The following PTPRN2 variants were observed in gnomAD, a reference collection of about 807,000 sequenced individuals.
PTPRN2 encodes protein tyrosine phosphatase receptor type N2.
In PTPRN2, 74 loss-of-function variants were observed where a neutral mutation model predicts 118.8. That is an observed-to-expected ratio of 0.62 (90% CI 0.52 to 0.76). The LOEUF is 0.76. PTPRN2 is among the 30% of genes least tolerant of loss of function. PTPRN2 has a pLI of 0.00. For synonymous variants in PTPRN2, 641 were observed against 608.0 expected (o/e 1.05, Z -0.80); for missense variants, 1,481 against 1,394.4 (o/e 1.06, Z -0.99).
At chr7:157,887,106 C>T (rs954849013) in intron 12 of PTPRN2, among the ~76,000 whole-genome samples, 15 of 150,922 alleles carry the variant, frequency 9.9e-5, no homozygotes, top group African/African-American at 7.3e-5. Context: ...GAGGTCCTCA[C>T]CACAGAGCCA....
chr7:158,358,501 G>A (rs1445794461), intron 2 of PTPRN2, among the ~76,000 whole-genome samples: 1 of 152,214 alleles, frequency 6.6e-6, no homozygotes, highest in African/African-American at 2.4e-5. Flanking sequence ...ATACGTGTAT[G>A]TACCCCCACG....
At chr7:157,735,666 A>T (rs1314977319) in intron 12 of PTPRN2, among the ~76,000 whole-genome samples, 1 of 152,246 alleles carries the variant, frequency 6.6e-6, no homozygotes, top group South Asian at 2.1e-4. Flanking sequence ...TAAATGACAG[A>T]ACATGACTCG....
chr7:158,201,073 A>G (rs1826610765), intron 4 of PTPRN2, among the ~76,000 whole-genome samples: 3 of 148,096 alleles, frequency 2.0e-5, no homozygotes, highest in African/African-American at 7.6e-5. Context: ...TTTTTTTGAG[A>G]CAGGGTCTCA....
rs1585134653 is a variant in PTPRN2, at chr7:157,627,881, T to C, written c.2197-6372A>G. Among the ~76,000 whole-genome samples, 1 of 152,194 alleles carries C rather than the reference T, an allele frequency of 6.6e-6. No homozygotes were observed. The highest frequency in any genetic ancestry group is 2.1e-4 in the South Asian group (1 of 4,826). On this transcript the variant is annotated intron_variant, in intron 14 of 22. Coordinates refer to ENST00000389418, the MANE Select transcript of PTPRN2 (RefSeq NM_002847.5). The surrounding 1 kb of genome is among the most constrained non-coding windows in gnomAD (Gnocchi z 4.2). ...CACAGCAGCTGAAGATGTGGCTGCATTCTTTTTCGCGTTCTCACCCTTTGA... is the reference window on the plus strand; with the variant it reads ...CACAGCAGCTGAAGATGTGGCTGCACTCTTTTTCGCGTTCTCACCCTTTGA...
At chr7:157,851,810 C>A (rs1466986420) in intron 12 of PTPRN2, among the ~76,000 whole-genome samples, 2 of 152,240 alleles carry the variant, frequency 1.3e-5, no homozygotes, top group Admixed American at 6.5e-5. Context: ...GTGAGACGCT[C>A]ACATGGCAAA....
chr7:158,414,427 T>G (rs1247747555), intron 2 of PTPRN2, among the ~76,000 whole-genome samples: 1 of 151,876 alleles, frequency 6.6e-6, no homozygotes, highest in Non-Finnish European at 1.5e-5. Flanking sequence ...AGGAAAGAAA[T>G]AACCTTAAAA....
intron 11 of PTPRN2, among the ~76,000 whole-genome samples, chr7:157,913,594 T>C (rs1354642489): frequency 1.3e-5 from 2 of 152,256 alleles, no homozygotes; most frequent in Non-Finnish European, 2.9e-5. Flanking sequence ...ATTTTTATTA[T>C]GAATGAATGT....
intron 2 of PTPRN2, among the ~76,000 whole-genome samples, chr7:158,363,121 G>A (rs1191144716): frequency 2.0e-5 from 3 of 152,166 alleles, no homozygotes; most frequent in African/African-American, 4.8e-5. Context: ...TTTCCCTGGG[G>A]CCAGATGGCC....
chr7:158,280,913 G>A lies in PTPRN2; in HGVS notation c.277+35906C>T, dbSNP rs924843683. Among the ~76,000 whole-genome samples the A allele has an allele frequency of 2.6e-5, 4 of 152,204 alleles. No individual in the cohort carries two copies. The East Asian group carries it at 5.8e-4, about 22-fold the overall frequency. On this transcript the variant is annotated intron_variant, in intron 3 of 22. Transcript: ENST00000389418. Reference sequence around the variant, plus strand: ...GTGAACAGGCGCCAGGCCCTGCGCCGGCCCACGGCTACACGGTGCTCTGGA... The same window carrying A: ...GTGAACAGGCGCCAGGCCCTGCGCCAGCCCACGGCTACACGGTGCTCTGGA...
At chr7:158,010,817 C>T (rs1056114902) in intron 11 of PTPRN2, among the ~76,000 whole-genome samples, 1 of 152,148 alleles carries the variant, frequency 6.6e-6, no homozygotes, top group Non-Finnish European at 1.5e-5. Context: ...ACTAAGACTC[C>T]TCCTTTAAAT....
chr7:158,195,398 G>A (rs1054874322), intron 4 of PTPRN2, among the ~76,000 whole-genome samples: 2 of 151,974 alleles, frequency 1.3e-5, no homozygotes, highest in Non-Finnish European at 2.9e-5. Context: ...TTTATCACTG[G>A]TTTTGAGAAA....
At chr7:158,189,147 C>T (rs1389395338) in intron 5 of PTPRN2, among the ~76,000 whole-genome samples, 1 of 152,208 alleles carries the variant, frequency 6.6e-6, no homozygotes, top group Non-Finnish European at 1.5e-5. Flanking sequence ...CGAGTTCCTG[C>T]AATTTGCTAC....
chr7:158,196,991 AAGGAG>A (rs1826260060), intron 4 of PTPRN2, among the ~76,000 whole-genome samples: 6 of 152,204 alleles, frequency 3.9e-5, no homozygotes, highest in African/African-American at 1.4e-4. Flanking sequence ...GATATGAGTC[AAGGAG>A]CACCTGTATA....
In PTPRN2 at chr7:157,787,289, G is replaced by A. The variant is rs957270317; in HGVS notation, c.1789-104352C>T. 2.0e-5 allele frequency among the ~76,000 whole-genome samples: 3 copies of A among 152,182 alleles called. No individual in the cohort carries two copies. Among genetic ancestry groups the A allele is most frequent in the African/African-American group, 7.2e-5 (3 of 41,452 alleles). On this transcript the variant is annotated intron_variant, in intron 12 of 22. Coordinates refer to ENST00000389418, the MANE Select transcript of PTPRN2 (RefSeq NM_002847.5). This position sits in a 1 kb window ranked among gnomAD's most constrained non-coding sequence, Gnocchi z 5.3. ...GCCCACAACCCCTCTGGGGTGTCGG[G>A]GATCAGGTGAGCAAGGGGGCTCATC...
At chr7:158,473,773 GA>G (rs5888755) in intron 2 of PTPRN2, among the ~76,000 whole-genome samples, 105,716 of 151,716 alleles carry the variant, frequency 0.7, 37,016 homozygotes, top group Admixed American at 0.78. Flanking sequence ...AGATTGGGGG[GA>G]AAAAAACATT....
chr7:157,817,303 C>T (rs191015689), intron 12 of PTPRN2, among the ~76,000 whole-genome samples: 6 of 152,280 alleles, frequency 3.9e-5, no homozygotes, highest in Middle Eastern at 6.8e-3. Context: ...TCGGAGAAGA[C>T]GTTGCTGCTC....
intron 2 of PTPRN2, among the ~76,000 whole-genome samples, chr7:158,340,669 C>A (rs62481715): frequency 0.49 from 38,012 of 77,328 alleles, 4,491 homozygotes; most frequent in Non-Finnish European, 0.51. Context: ...ACGTCACTCA[C>A]ACCCACACTC....
intron 1 of PTPRN2, among the ~76,000 whole-genome samples, chr7:158,568,649 G>A (rs1257746492): frequency 6.6e-6 from 1 of 152,030 alleles, no homozygotes; most frequent in Non-Finnish European, 1.5e-5. Context: ...ACACTTTACA[G>A]AAATATTCTT....
At chr7:158,020,025 C>G (rs1246022984) in intron 11 of PTPRN2, among the ~76,000 whole-genome samples, 2 of 152,228 alleles carry the variant, frequency 1.3e-5, no homozygotes, top group Non-Finnish European at 2.9e-5. Flanking sequence ...GATTCAATGC[C>G]CAGCCCTGAG....
Sources: allele counts gnomAD v4.1 joint callset (sites outside exome capture counted in the v4.1 genomes callset), GRCh38; gene constraint gnomAD v4.1.1; non-coding constraint Gnocchi (gnomAD v3.1); transcripts MANE v1.5; gene names NCBI Gene and HGNC (gene_info 2026-07-23, HGNC 2026-07-21).